LRRC4C: variants seen among roughly 807,000 people sequenced by gnomAD.
LRRC4C encodes leucine-rich repeat-containing protein 4C.
Under a neutral mutation model 33.6 loss-of-function variants are expected in LRRC4C, and 5 were observed. The ratio of observed to expected loss-of-function variants is 0.15; its 90% confidence interval spans 0.08 to 0.31. The LOEUF is 0.31. Ranked by LOEUF, LRRC4C falls within the 10% of genes least tolerant of loss-of-function variation. The probability of loss-of-function intolerance (pLI) is 1.00; values close to 1 mark genes in which losing one functional copy is unlikely to be tolerated. For missense variants in LRRC4C, 560 were observed against 796.7 expected (o/e 0.70, Z 3.58); for synonymous variants, 329 against 302.0 (o/e 1.09, Z -0.93).
chr11:41,304,024 C>T (rs1950378805), intron 1 of LRRC4C, among the ~76,000 whole-genome samples: 1 of 75,846 alleles, frequency 1.3e-5, no homozygotes. Flanking sequence ...GCCCGGCCAG[C>T]CGCCCCATCC....
chr11:40,997,649 T>C (rs2137332654), intron 1 of LRRC4C, among the ~76,000 whole-genome samples: 1 of 152,238 alleles, frequency 6.6e-6, no homozygotes, highest in African/African-American at 2.4e-5. Context: ...TTTGTTTTTG[T>C]CTTTGTTTTT....
chr11:41,212,883 A>G (rs1417326992), intron 1 of LRRC4C, among the ~76,000 whole-genome samples: 1 of 152,182 alleles, frequency 6.6e-6, no homozygotes, highest in African/African-American at 2.4e-5. Context: ...GGTTGATTCC[A>G]TGTACCTAAC....
chr11:41,187,568 C>T (rs1945752406), intron 1 of LRRC4C, among the ~76,000 whole-genome samples: 1 of 152,164 alleles, frequency 6.6e-6, no homozygotes, highest in African/African-American at 2.4e-5. Context: ...ATAAAAAAGC[C>T]TTGCACTCTT....
At chr11:40,500,293 TACACAC>T (rs375005241) in intron 3 of LRRC4C, among the ~76,000 whole-genome samples, 3,937 of 96,628 alleles carry the variant, frequency 0.041, 106 homozygotes, top group South Asian at 0.067. Flanking sequence ...TATATATATA[TACACAC>T]ACACACACAC....
chr11:41,425,995 C>A lies in LRRC4C; in HGVS notation c.-496+33436G>T, dbSNP rs186296182. ...TAGAAAGCTCAGTGAATCAAAAACA[C>A]TCTTCTAAAACTGAATGTTCTTTTA... is the stretch of plus-strand genomic sequence containing the variant. On this transcript the variant is annotated intron_variant, in intron 1 of 6. Coordinates refer to ENST00000528697, the MANE Select transcript of LRRC4C (RefSeq NM_001258419.2). 8.5e-5 allele frequency among the ~76,000 whole-genome samples: 13 copies of A among 152,258 alleles called. No homozygotes were observed. In the East Asian group the frequency reaches 2.3e-3, roughly 27 times the overall value.
rs149173558 is a variant in LRRC4C, at chr11:40,132,884, G to A, written c.-43+7917C>T. ...TGAAAAATATAGGGGAGAGAAAAGC[G>A]TATAAAAAGGGCTGAGTATTTCAAA... On this transcript the variant is annotated intron_variant, in intron 6 of 6. Transcript: ENST00000528697. Among the ~76,000 whole-genome samples the A allele has an allele frequency of 1.3e-3, 192 of 151,832 alleles. 2 individuals are homozygous for A. In the South Asian group the frequency reaches 0.017, roughly 13 times the overall value.
intron 1 of LRRC4C, among the ~76,000 whole-genome samples, chr11:41,085,480 T>A (rs1939900328): frequency 6.6e-6 from 1 of 152,178 alleles, no homozygotes; most frequent in Non-Finnish European, 1.5e-5. Context: ...GGGAAAGTTA[T>A]GTAACCTCAC....
At chr11:41,142,474 G>A (rs978447709) in intron 1 of LRRC4C, among the ~76,000 whole-genome samples, 1 of 152,186 alleles carries the variant, frequency 6.6e-6, no homozygotes, top group African/African-American at 2.4e-5. Context: ...CTGGCTCGGG[G>A]ACTGCACTTT....
intron 3 of LRRC4C, among the ~76,000 whole-genome samples, chr11:40,403,791 G>C (rs1373997863): frequency 6.6e-6 from 1 of 152,016 alleles, no homozygotes; most frequent in Non-Finnish European, 1.5e-5. Context: ...AGTTGACCAG[G>C]CTCATTCTCT....
intron 3 of LRRC4C, among the ~76,000 whole-genome samples, chr11:40,568,123 A>C (rs1957838568): frequency 6.6e-6 from 1 of 152,198 alleles, no homozygotes; most frequent in African/African-American, 2.4e-5. Flanking sequence ...ATGGAATGTC[A>C]CTTTTGAGAT....
intron 2 of LRRC4C, among the ~76,000 whole-genome samples, chr11:40,774,324 G>A (rs1413715915): frequency 6.6e-6 from 1 of 152,100 alleles, no homozygotes; most frequent in Non-Finnish European, 1.5e-5. Context: ...CAATGAGACT[G>A]AGAGAAAATT....
At chr11:40,889,555 T>A (rs1455268874) in intron 2 of LRRC4C, among the ~76,000 whole-genome samples, 1 of 152,074 alleles carries the variant, frequency 6.6e-6, no homozygotes, top group African/African-American at 2.4e-5. Context: ...AAAAACAAAA[T>A]ATTTTTTGAA....
intron 1 of LRRC4C, among the ~76,000 whole-genome samples, chr11:41,113,861 C>A (rs1941977874): frequency 6.6e-6 from 1 of 151,972 alleles, no homozygotes; most frequent in African/African-American, 2.4e-5. Flanking sequence ...AGAAAACAAT[C>A]TCTTTAACAG....
intron 1 of LRRC4C, among the ~76,000 whole-genome samples, chr11:41,200,098 G>A (rs891913627): frequency 6.6e-6 from 1 of 151,880 alleles, no homozygotes; most frequent in Non-Finnish European, 1.5e-5. Context: ...TTGTAGTAAT[G>A]TCACTTCTGA....
intron 3 of LRRC4C, among the ~76,000 whole-genome samples, chr11:40,627,433 G>C (rs1042238075): frequency 6.6e-6 from 1 of 152,174 alleles, no homozygotes. Context: ...TTGTACAAAT[G>C]AGTGTCTGAC....
intron 4 of LRRC4C, among the ~76,000 whole-genome samples, chr11:40,295,123 A>G (rs992797): frequency 0.49 from 74,577 of 151,998 alleles, 18,543 homozygotes; most frequent in Admixed American, 0.55. Context: ...GGCACATTTC[A>G]AATTCACTGG....
intron 2 of LRRC4C, among the ~76,000 whole-genome samples, chr11:40,895,297 C>G (rs534434002): frequency 2.0e-5 from 3 of 151,836 alleles, no homozygotes; most frequent in African/African-American, 7.2e-5. Context: ...TTGTTATTAT[C>G]ATGATTTCCA....
chr11:40,515,510 G>A (rs1390062657), intron 3 of LRRC4C, among the ~76,000 whole-genome samples: 2 of 151,964 alleles, frequency 1.3e-5, no homozygotes, highest in Non-Finnish European at 2.9e-5. Context: ...ACCTACTCAT[G>A]ATACACATTT....
Position 40,200,784 on chromosome 11 carries a change from A to AAAAAAAAAG in LRRC4C, c.-96+40734_-96+40735insCTTTTTTTT, listed in dbSNP as rs71060946. On this transcript the variant is annotated intron_variant, in intron 5 of 6. Transcript: ENST00000528697. ...CCATCTCAAAAAAAAAAAAAAAAAAAAAAAGAAAAGAAAAGAAAAAAAATT... is the reference window on the plus strand; with the variant it reads ...CCATCTCAAAAAAAAAAAAAAAAAAAAAAAAAAAGAAAAGAAAAGAAAAGAAAAAAAATT... Among the ~76,000 whole-genome samples the AAAAAAAAAG allele has an allele frequency of 2.0e-3, 155 of 78,444 alleles. 3 individuals carry two copies. Among genetic ancestry groups the AAAAAAAAAG allele is most frequent in the Non-Finnish European group, 2.3e-3 (98 of 43,392 alleles). The allele number at this position is 78,444 out of a possible 152,430, so 51.5% of individuals were successfully genotyped here.
Sources: allele counts gnomAD v4.1 joint callset (sites outside exome capture counted in the v4.1 genomes callset), GRCh38; gene constraint gnomAD v4.1.1; transcripts MANE v1.5; gene names NCBI Gene and HGNC (gene_info 2026-07-23, HGNC 2026-07-21).